OSBPL1A: variants seen among roughly 807,000 people sequenced by gnomAD.
OSBPL1A encodes the protein oxysterol binding protein like 1A, also known as oxysterol-binding protein-related protein 1.
OSBPL1A carries 80 observed loss-of-function variants against 137.1 expected under a neutral mutation model. The ratio of observed to expected loss-of-function variants is 0.58; its 90% CI spans 0.49 to 0.70. The LOEUF (loss-of-function observed/expected upper bound fraction) is 0.70. Ranked by LOEUF, OSBPL1A falls within the 30% of genes least tolerant of loss-of-function variation. OSBPL1A has a pLI of 0.00. For synonymous variants in OSBPL1A, 365 were observed against 389.7 expected (o/e 0.94, Z 0.75); for missense variants, 970 against 1,129.4 (o/e 0.86, Z 2.02).
chr18:24,386,577 T>C (rs1906974766), intron 1 of OSBPL1A, among the ~76,000 whole-genome samples: 1 of 152,212 alleles, frequency 6.6e-6, no homozygotes, highest in Non-Finnish European at 1.5e-5. Flanking sequence ...GCTTTTCCCT[T>C]ATAATCTTTT....
intron 16 of OSBPL1A, among the ~76,000 whole-genome samples, chr18:24,236,450 T>A (rs1234083954): frequency 6.6e-6 from 1 of 152,104 alleles, no homozygotes; most frequent in Non-Finnish European, 1.5e-5. Flanking sequence ...CTTTGATGAT[T>A]TCAATGAATT....
intron 4 of OSBPL1A, among the ~76,000 whole-genome samples, chr18:24,361,710 A>G (rs1303103101): frequency 6.6e-6 from 1 of 152,236 alleles, no homozygotes; most frequent in Admixed American, 6.5e-5. Context: ...ACTTAGTAGC[A>G]GAGTTAAGAC....
In OSBPL1A at chr18:24,167,333, G is replaced by T; in HGVS notation, c.2531C>A (p.Ala844Asp). ...WRIAPRPPNS[A>D]QMYNFTSFAM... ...AGCCAGCAAGCCCAGTCTCACCTGG[G>T]CAGAATTTGGAGGCCGTGGGGCTAT... Residue 844 changes from alanine to aspartate, a missense_variant, in exon 25 of 28, where the codon GCC becomes GAC. Physicochemically the swap from Ala to Asp is moderately radical, Grantham distance 126. Coordinates refer to ENST00000319481, the MANE Select transcript of OSBPL1A (RefSeq NM_080597.4). The T allele has an allele frequency of 6.2e-7, 1 of 1,613,578 alleles. No homozygotes were observed. The highest frequency in any genetic ancestry group is 8.5e-7 in the Non-Finnish European group (1 of 1,179,470).
chr18:24,371,678 C>T, intron 2 of OSBPL1A, among the ~76,000 whole-genome samples: 1 of 152,192 alleles, frequency 6.6e-6, no homozygotes. Flanking sequence ...CCCTCACCCT[C>T]CCCATTCTAC....
At chr18:24,195,886 C>T (rs1311675950) in intron 18 of OSBPL1A, 6 of 465,012 alleles carry the variant, frequency 1.3e-5, no homozygotes, top group Admixed American at 3.7e-5. Context: ...AACAGAAACA[C>T]GGCATTTTCA....
intron 14 of OSBPL1A, among the ~76,000 whole-genome samples, chr18:24,302,176 G>GC (rs1230956489): frequency 6.7e-6 from 1 of 149,888 alleles, no homozygotes; most frequent in Non-Finnish European, 1.5e-5. Context: ...GGAGCTTGCA[G>GC]TGAGCCAAGA....
At chr18:24,308,744 G>A (rs1568016234) in intron 13 of OSBPL1A, among the ~76,000 whole-genome samples, 1 of 151,790 alleles carries the variant, frequency 6.6e-6, no homozygotes, top group Non-Finnish European at 1.5e-5. Context: ...CTAATATGTA[G>A]TTAAATATAG....
chr18:24,385,250 G>A (rs1352369236), intron 1 of OSBPL1A, among the ~76,000 whole-genome samples: 2 of 152,110 alleles, frequency 1.3e-5, no homozygotes, highest in Non-Finnish European at 2.9e-5. Context: ...CACCGCACCC[G>A]GCCTGTAGGT....
intron 4 of OSBPL1A, among the ~76,000 whole-genome samples, chr18:24,351,384 A>G (rs975473258): frequency 6.6e-6 from 1 of 151,088 alleles, no homozygotes; most frequent in South Asian, 2.1e-4. Context: ...TAAAAAAATC[A>G]GGAGAGCTGC....
In OSBPL1A at chr18:24,220,120, C is replaced by G. The variant is rs145451365; in HGVS notation, c.1601+4922G>C. On this transcript the variant is annotated intron_variant, in intron 17 of 27. Coordinates refer to ENST00000319481, the MANE Select transcript of OSBPL1A (RefSeq NM_080597.4). ...AGCTGCTGCCATTCAACTTGCCAATCTGTTCCAGGTGTCCAATCTCCACTG... is the reference window on the plus strand; with the variant it reads ...AGCTGCTGCCATTCAACTTGCCAATGTGTTCCAGGTGTCCAATCTCCACTG... 8.9e-4 allele frequency among the ~76,000 whole-genome samples: 135 copies of G among 152,364 alleles called. 1 individual carries two copies. In the East Asian group the frequency reaches 0.025, roughly 29 times the overall value.
chr18:24,208,236 T>C (rs1274052856), intron 17 of OSBPL1A, among the ~76,000 whole-genome samples: 1 of 152,034 alleles, frequency 6.6e-6, no homozygotes, highest in Non-Finnish European at 1.5e-5. Flanking sequence ...AGTAAATTAC[T>C]GTAGTAATTA....
intron 14 of OSBPL1A, among the ~76,000 whole-genome samples, chr18:24,291,551 A>G (rs2090173909): frequency 6.6e-6 from 1 of 152,146 alleles, no homozygotes; most frequent in South Asian, 2.1e-4. Context: ...TTCTGGCAGG[A>G]GAGAATATAA....
At chr18:24,300,049 T>A (rs1180996805) in intron 14 of OSBPL1A, among the ~76,000 whole-genome samples, 1 of 152,198 alleles carries the variant, frequency 6.6e-6, no homozygotes, top group Non-Finnish European at 1.5e-5. Context: ...AAAAGTTTCA[T>A]TACTTTAGGT....
chr18:24,272,955 G>C (rs1289203766), intron 15 of OSBPL1A, among the ~76,000 whole-genome samples: 1 of 152,034 alleles, frequency 6.6e-6, no homozygotes, highest in Non-Finnish European at 1.5e-5. Flanking sequence ...GCCCAGGCTG[G>C]AGTGTAGTGG....
Position 24,178,102 on chromosome 18 carries a change from G to T in OSBPL1A, c.2004C>A (p.Ile668=). ...FHAEGLNNDF[I]FHGSIYPKLK... Reference sequence around the variant, plus strand: ...GTTTGGGATAGATAGAGCCATGAAAGATGAAGTCATTGTTTAATCCTTCAG... The same window carrying T: ...GTTTGGGATAGATAGAGCCATGAAATATGAAGTCATTGTTTAATCCTTCAG... Residue 668 remains isoleucine (I), a synonymous_variant, in exon 21 of 28, where the codon ATC becomes ATA. Coordinates refer to ENST00000319481, the MANE Select transcript of OSBPL1A (RefSeq NM_080597.4). 6.2e-7 allele frequency: 1 copy of T among 1,609,130 alleles called. No individual in the cohort carries two copies. The highest frequency in any genetic ancestry group is 8.5e-7 in the Non-Finnish European group (1 of 1,177,482).
At chr18:24,169,748 C>A (rs757799358) in intron 24 of OSBPL1A, among the ~76,000 whole-genome samples, 9 of 152,214 alleles carry the variant, frequency 5.9e-5, no homozygotes, top group Non-Finnish European at 1.0e-4. Flanking sequence ...AGGGAAGGGG[C>A]AGGAGTTTGC....
intron 13 of OSBPL1A, among the ~76,000 whole-genome samples, chr18:24,305,586 T>G (rs186499672): frequency 6.6e-6 from 1 of 152,360 alleles, no homozygotes; most frequent in Non-Finnish European, 1.5e-5. Flanking sequence ...TTATGAAAGT[T>G]AATTCTTATT....
chr18:24,269,480 T>C (rs2089662903), intron 15 of OSBPL1A, among the ~76,000 whole-genome samples: 1 of 152,226 alleles, frequency 6.6e-6, no homozygotes, highest in Non-Finnish European at 1.5e-5. Flanking sequence ...ACATAGATTT[T>C]AGTCATCTAA....
intron 15 of OSBPL1A, among the ~76,000 whole-genome samples, chr18:24,277,656 C>A (rs1962237): frequency 0.094 from 14,311 of 152,178 alleles, 2,186 homozygotes; most frequent in African/African-American, 0.32. Context: ...AGATAATAGA[C>A]ATGTAATTTA....
Sources: allele counts gnomAD v4.1 joint callset (sites outside exome capture counted in the v4.1 genomes callset), GRCh38; gene constraint gnomAD v4.1.1; transcripts MANE v1.5; gene names NCBI Gene and HGNC (gene_info 2026-07-23, HGNC 2026-07-21).